Variants in EPM2A observed in about 807,000 individuals in gnomAD.
The protein encoded by EPM2A is EPM2A glucan phosphatase, laforin.
In EPM2A, 21 loss-of-function variants were observed where a neutral mutation model predicts 26.5. The observed-to-expected ratio is 0.79, with a 90% CI of 0.56 to 1.14. The LOEUF is 1.14. Among genes scored for constraint, EPM2A ranks in the 50% most tolerant of loss-of-function variants. The pLI is 0.00. For missense variants in EPM2A, 458 were observed against 440.8 expected (o/e 1.04, Z -0.35); for synonymous variants, 217 against 177.6 (o/e 1.22, Z -1.76).
At chr6:145,561,768 C>T (rs1303075564) in intron 2 of EPM2A, among the ~76,000 whole-genome samples, 2 of 152,184 alleles carry the variant, frequency 1.3e-5, no homozygotes, top group Admixed American at 6.5e-5. Context: ...TATCAGACAG[C>T]GTTTCTCGTT....
chr6:145,385,791 A>G (rs1417513392), intron 4 of EPM2A, among the ~76,000 whole-genome samples: 1 of 152,034 alleles, frequency 6.6e-6, no homozygotes, highest in African/African-American at 2.4e-5. Flanking sequence ...ATTGCTTTCT[A>G]TCTATAAATC....
intron 2 of EPM2A, among the ~76,000 whole-genome samples, chr6:145,562,471 TTAAA>T (rs1246620382): frequency 6.6e-6 from 1 of 152,056 alleles, no homozygotes; most frequent in Non-Finnish European, 1.5e-5. Flanking sequence ...ATTTAATAAA[TTAAA>T]TAAATCACTA....
intron 2 of EPM2A, among the ~76,000 whole-genome samples, chr6:145,679,462 T>G (rs1183790350): frequency 6.7e-6 from 1 of 149,116 alleles, no homozygotes; most frequent in Non-Finnish European, 1.5e-5. Context: ...AAAAAAGAAA[T>G]GCAAAATATA....
chr6:145,450,041 T>C (rs1779175297), intron 4 of EPM2A, among the ~76,000 whole-genome samples: 1 of 151,380 alleles, frequency 6.6e-6, no homozygotes, highest in Non-Finnish European at 1.5e-5. Flanking sequence ...ACAACACAAG[T>C]CTTAAAGAGG....
intron 2 of EPM2A, among the ~76,000 whole-genome samples, chr6:145,551,584 A>T (rs776549852): frequency 1.7e-4 from 26 of 152,078 alleles, no homozygotes; most frequent in Non-Finnish European, 2.2e-4. Flanking sequence ...TTTTGCCCCA[A>T]ATTTGCACTT....
intron 2 of EPM2A, among the ~76,000 whole-genome samples, chr6:145,534,010 A>G (rs920367323): frequency 1.9e-4 from 29 of 152,220 alleles, no homozygotes; most frequent in African/African-American, 6.7e-4. Context: ...CTTTGTCAAG[A>G]GGAGTTGTTG....
At chr6:145,593,696 A>T (rs1781304354) in intron 2 of EPM2A, among the ~76,000 whole-genome samples, 1 of 152,068 alleles carries the variant, frequency 6.6e-6, no homozygotes, top group Non-Finnish European at 1.5e-5. Flanking sequence ...GCCAAAGAAA[A>T]AATTCTCCAG....
downstream of EPM2A, among the ~76,000 whole-genome samples, chr6:145,498,079 G>A (rs1008057809): frequency 6.6e-5 from 10 of 152,146 alleles, no homozygotes; most frequent in African/African-American, 2.4e-4. Context: ...CCAAATTTTT[G>A]TGGAGCAGCT....
At chr6:145,431,175 C>T (rs1185055139) in intron 4 of EPM2A, among the ~76,000 whole-genome samples, 3 of 152,132 alleles carry the variant, frequency 2.0e-5, no homozygotes, top group Non-Finnish European at 2.9e-5. Flanking sequence ...TGTAAGTAAA[C>T]ATTGCTGTTT....
chr6:145,582,397 G>A (rs1210795920), intron 2 of EPM2A, among the ~76,000 whole-genome samples: 1 of 152,182 alleles, frequency 6.6e-6, no homozygotes, highest in Non-Finnish European at 1.5e-5. Flanking sequence ...GCACAGAGAA[G>A]AAGAAGGCAC....
At chr6:145,477,110 A>G (rs1441409053) in intron 4 of EPM2A, among the ~76,000 whole-genome samples, 1 of 151,958 alleles carries the variant, frequency 6.6e-6, no homozygotes, top group Non-Finnish European at 1.5e-5. Flanking sequence ...AAAAGGAGAC[A>G]TTACAACTGA....
At chr6:145,676,443 G>C (rs1468446166) in intron 2 of EPM2A, among the ~76,000 whole-genome samples, 1 of 151,988 alleles carries the variant, frequency 6.6e-6, no homozygotes, top group Non-Finnish European at 1.5e-5. Flanking sequence ...AACTGAAGGA[G>C]ATAGAGACAC....
intron 4 of EPM2A, among the ~76,000 whole-genome samples, chr6:145,438,469 ATTTTTT>A (rs68038397): frequency 4.3e-5 from 5 of 117,214 alleles, no homozygotes; most frequent in Non-Finnish European, 6.9e-5. Context: ...GAAGGGAATA[ATTTTTT>A]TTTTTTTTTT....
chr6:145,448,976 A>G (rs1271574629), intron 4 of EPM2A, among the ~76,000 whole-genome samples: 2 of 152,214 alleles, frequency 1.3e-5, no homozygotes, highest in Non-Finnish European at 2.9e-5. Flanking sequence ...ACAAAATGTA[A>G]GTAGCAAAGC....
At chr6:145,734,203 T>C (rs375017001) in intron 1 of EPM2A, among the ~76,000 whole-genome samples, 3 of 152,224 alleles carry the variant, frequency 2.0e-5, no homozygotes, top group East Asian at 3.8e-4. Flanking sequence ...AGAACCTAAA[T>C]GCACATTGGT....
At chr6:145,491,691 T>C (rs1418345564) in intron 4 of EPM2A, 2 of 444,528 alleles carry the variant, frequency 4.5e-6, no homozygotes, top group Non-Finnish European at 9.1e-6. Flanking sequence ...GTGGGACCCT[T>C]GCCGGGGACC....
intron 1 of EPM2A, chr6:145,705,827 C>A (rs566699280): frequency 2.2e-6 from 1 of 455,488 alleles, no homozygotes; most frequent in African/African-American, 2.0e-5. Flanking sequence ...CAAAGAAGAA[C>A]AATCTTCCCC....
At chr6:145,612,692 C>A (rs1775416582) in intron 2 of EPM2A, among the ~76,000 whole-genome samples, 1 of 147,670 alleles carries the variant, frequency 6.8e-6, no homozygotes, top group Non-Finnish European at 1.5e-5. Context: ...TCATTGTTAT[C>A]TATTAAGAGT....
rs1407513482 is a variant in EPM2A, at chr6:145,663,873, G to C, written c.476+22249C>G. ...GGGGCCAACATTCAACATTCTTAAA[G>C]AAAAGAATTTTCAACCCAGAATTTC... On this transcript the variant is annotated intron_variant, in intron 2 of 3. Transcript: ENST00000367519. Among the ~76,000 whole-genome samples the C allele has an allele frequency of 2.4e-5, 2 of 83,768 alleles. 1 individual carries two copies. The highest frequency in any genetic ancestry group is 4.7e-5 in the Non-Finnish European group (2 of 42,852). The allele number at this position is 83,768 out of a possible 152,430, so 55.0% of individuals were successfully genotyped here. A position where few individuals can be genotyped will look rare whatever the true frequency, so the allele number is the denominator to read the frequency against.
Sources: gnomAD v4.1 joint callset for allele counts (sites outside exome capture counted in the v4.1 genomes callset) on GRCh38, gnomAD v4.1.1 for gene constraint, MANE v1.5 for transcripts, NCBI Gene and HGNC (gene_info 2026-07-23, HGNC 2026-07-21) for gene names.